Variants in TMTC2 observed in about 807,000 individuals in gnomAD.
TMTC2 encodes protein O-mannosyl-transferase TMTC2.
TMTC2 carries 43 observed loss-of-function variants against 82.4 expected under a neutral mutation model. The ratio of observed to expected loss-of-function variants is 0.52; its 90% CI spans 0.41 to 0.67. TMTC2 has a LOEUF of 0.67. Among genes scored for constraint, TMTC2 ranks in the 30% least tolerant of loss-of-function variants. TMTC2 has a pLI of 0.00. For missense variants in TMTC2, 919 were observed against 1,012.4 expected (o/e 0.91, Z 1.25); for synonymous variants, 408 against 381.9 (o/e 1.07, Z -0.80).
At chr12:82,908,044 G>T (rs748248380) in intron 3 of TMTC2, among the ~76,000 whole-genome samples, 3 of 152,082 alleles carry the variant, frequency 2.0e-5, no homozygotes, top group Non-Finnish European at 4.4e-5. Context: ...CCCAGGGGGC[G>T]GAGGTTGCAG....
intron 8 of TMTC2, among the ~76,000 whole-genome samples, chr12:82,995,121 GC>G (rs1879558476): frequency 6.6e-6 from 1 of 151,980 alleles, no homozygotes; most frequent in South Asian, 2.1e-4. Context: ...TGTTTCCCTT[GC>G]TTGGTAATTT....
At chr12:83,029,508 A>G (rs1315411203) in intron 8 of TMTC2, among the ~76,000 whole-genome samples, 3 of 152,196 alleles carry the variant, frequency 2.0e-5, no homozygotes, top group Non-Finnish European at 2.9e-5. Context: ...TTTTAAAAAT[A>G]TACTCAAAGT....
chr12:82,730,605 T>G (rs1874744463), intron 1 of TMTC2, among the ~76,000 whole-genome samples: 1 of 152,202 alleles, frequency 6.6e-6, no homozygotes, highest in Non-Finnish European at 1.5e-5. Flanking sequence ...AGCACACTGT[T>G]TTGTACAGTT....
At chr12:82,988,494 G>A (rs1879265435) in intron 8 of TMTC2, among the ~76,000 whole-genome samples, 1 of 152,064 alleles carries the variant, frequency 6.6e-6, no homozygotes, top group Non-Finnish European at 1.5e-5. Flanking sequence ...TTCAAGGCAA[G>A]GGAAAGGGGC....
At chr12:83,021,138 T>C (rs1333720745) in intron 8 of TMTC2, among the ~76,000 whole-genome samples, 1 of 152,206 alleles carries the variant, frequency 6.6e-6, no homozygotes, top group Admixed American at 6.5e-5. Context: ...TTTTTTGCTG[T>C]TGCTTTTCCC....
At chr12:82,859,695 G>A (rs893912507) in intron 2 of TMTC2, among the ~76,000 whole-genome samples, 20 of 152,300 alleles carry the variant, frequency 1.3e-4, no homozygotes, top group African/African-American at 4.8e-4. Context: ...AGGAACTCTT[G>A]AGACTAAAGA....
intron 8 of TMTC2, among the ~76,000 whole-genome samples, chr12:82,997,354 A>ATATATATGTGTATATATATATATGTG (rs1565845039): frequency 6.9e-5 from 2 of 28,912 alleles, no homozygotes; most frequent in African/African-American, 2.1e-4. Flanking sequence ...GTGTGTATAT[A>ATATATATGTGTATATATATATATGTG]TATATATATA....
intron 2 of TMTC2, among the ~76,000 whole-genome samples, chr12:82,881,065 G>A (rs1177968998): frequency 6.6e-6 from 1 of 151,946 alleles, no homozygotes; most frequent in Non-Finnish European, 1.5e-5. Context: ...AAAAAAATAC[G>A]AGATTTTAAC....
intron 3 of TMTC2, among the ~76,000 whole-genome samples, chr12:82,900,743 A>AAT (rs1156240605): frequency 3.2e-4 from 41 of 126,964 alleles, no homozygotes; most frequent in Middle Eastern, 0.012. Context: ...ATATCTCTGG[A>AAT]ATATATATAT....
chr12:83,017,967 A>G (rs1222446293), intron 8 of TMTC2, among the ~76,000 whole-genome samples: 1 of 150,102 alleles, frequency 6.7e-6, no homozygotes, highest in Non-Finnish European at 1.5e-5. Flanking sequence ...GTCTAAATAA[A>G]TTAAACCTCT....
intron 2 of TMTC2, among the ~76,000 whole-genome samples, chr12:82,872,007 C>CG (rs1872212647): frequency 2.8e-5 from 2 of 72,638 alleles, no homozygotes; most frequent in East Asian, 4.5e-4. Flanking sequence ...TGAACAACAC[C>CG]CCCCCCCCCG....
chr12:83,015,000 G>A (rs1592695068), intron 8 of TMTC2, among the ~76,000 whole-genome samples: 1 of 151,936 alleles, frequency 6.6e-6, no homozygotes, highest in African/African-American at 2.4e-5. Context: ...AAGTAGTCCC[G>A]CTTTTCTAGG....
intron 8 of TMTC2, among the ~76,000 whole-genome samples, chr12:83,024,837 G>C (rs1881091086): frequency 6.6e-6 from 1 of 152,112 alleles, no homozygotes; most frequent in East Asian, 1.9e-4. Flanking sequence ...TCACCGCTCT[G>C]TAATTTACTA....
intron 4 of TMTC2, among the ~76,000 whole-genome samples, chr12:82,937,699 A>C (rs1349503317): frequency 1.1e-5 from 1 of 91,440 alleles, no homozygotes; most frequent in African/African-American, 4.7e-5. Flanking sequence ...ACAAATGTCA[A>C]TGGTGTGTGT....
chr12:82,990,032 T>G (rs1879336111), intron 8 of TMTC2, among the ~76,000 whole-genome samples: 1 of 152,194 alleles, frequency 6.6e-6, no homozygotes, highest in Non-Finnish European at 1.5e-5. Flanking sequence ...TTTCTTGGCC[T>G]GGTAACAGCC....
At chr12:83,019,710 A>T (rs1880828988) in intron 8 of TMTC2, among the ~76,000 whole-genome samples, 1 of 152,138 alleles carries the variant, frequency 6.6e-6, no homozygotes, top group African/African-American at 2.4e-5. Context: ...TGTTCTATCC[A>T]CATTATTCTG....
chr12:83,105,989 T>C (rs1884379702), intron 11 of TMTC2, among the ~76,000 whole-genome samples: 1 of 152,188 alleles, frequency 6.6e-6, no homozygotes. Context: ...GTATGAAATA[T>C]TTAAGAAATA....
At chr12:82,699,476 C>G (rs972331021) in intron 1 of TMTC2, among the ~76,000 whole-genome samples, 8 of 152,128 alleles carry the variant, frequency 5.3e-5, no homozygotes, top group Admixed American at 2.6e-4. Context: ...TTACTGGGTA[C>G]TCATGGTCTC....
intron 1 of TMTC2, among the ~76,000 whole-genome samples, chr12:82,774,874 G>A (rs1346341843): frequency 6.6e-6 from 1 of 151,794 alleles, no homozygotes; most frequent in African/African-American, 2.4e-5. Context: ...TTGCTCACAC[G>A]GCCACAACCA....
Sources: allele counts gnomAD v4.1 joint callset (sites outside exome capture counted in the v4.1 genomes callset), GRCh38; gene constraint gnomAD v4.1.1; transcripts MANE v1.5; gene names NCBI Gene and HGNC (gene_info 2026-07-23, HGNC 2026-07-21).